Variants in THSD7A observed in about 807,000 individuals in gnomAD.
THSD7A encodes the protein thrombospondin type 1 domain containing 7A, also known as thrombospondin type-1 domain-containing protein 7A.
A neutral mutation model predicts 231.3 loss-of-function variants in THSD7A; 96 were observed. The ratio of observed to expected loss-of-function variants is 0.41; its 90% CI spans 0.35 to 0.49. THSD7A has a LOEUF of 0.49. Ranked by LOEUF, THSD7A falls within the 20% of genes least tolerant of loss-of-function variation. The pLI is 0.05. For synonymous variants in THSD7A, 940 were observed against 743.3 expected (o/e 1.26, Z -4.30); for missense variants, 2,290 against 2,070.2 (o/e 1.11, Z -2.06).
chr7:11,792,118 C>A (rs555716500), intron 1 of THSD7A, among the ~76,000 whole-genome samples: 4 of 151,918 alleles, frequency 2.6e-5, no homozygotes, highest in African/African-American at 4.8e-5. Flanking sequence ...CTCCATTTCA[C>A]GCTCTCCTCT....
intron 1 of THSD7A, among the ~76,000 whole-genome samples, chr7:11,786,195 G>A (rs9632566): frequency 0.016 from 2,350 of 151,222 alleles, 54 homozygotes; most frequent in African/African-American, 0.055. Context: ...GCAGACACTG[G>A]ACCTACTATA....
Position 11,832,094 on chromosome 7 carries a change from C to A in THSD7A, c.-148G>T, listed in dbSNP as rs1785215927. 3 of 501,804 alleles carry A rather than the reference C, an allele frequency of 6.0e-6. No individual in the cohort carries two copies. The highest frequency in any genetic ancestry group is 9.4e-5 in the South Asian group (1 of 10,586). The allele number at this position is 501,804 out of a possible 1,614,324, so 31.1% of individuals were successfully genotyped here. On this transcript the variant is annotated 5_prime_UTR_variant, in exon 1 of 28. It removes the in-frame stop codon of an upstream open reading frame in the 5' UTR. Coordinates refer to ENST00000423059, the MANE Select transcript of THSD7A (RefSeq NM_015204.3). ...CAGATGAGAAGGAGGGAGAGCGCGT[C>A]TAACACCAGGGAACAATAGCGTCCG...
intron 6 of THSD7A, among the ~76,000 whole-genome samples, chr7:11,524,568 A>G (rs1788395404): frequency 6.6e-6 from 1 of 152,262 alleles, no homozygotes; most frequent in East Asian, 1.9e-4. Flanking sequence ...GTAGGTAGAG[A>G]GGTCATTTAG....
intron 4 of THSD7A, among the ~76,000 whole-genome samples, chr7:11,580,369 A>G (rs1432205741): frequency 6.6e-6 from 1 of 152,176 alleles, no homozygotes; most frequent in Non-Finnish European, 1.5e-5. Context: ...GTGCACTCTC[A>G]GGGATTAGAC....
intron 23 of THSD7A, among the ~76,000 whole-genome samples, chr7:11,389,421 CTTTTTTTTTTTTTTTTTTTTTTTTT>C (rs57755425): frequency 1.9e-4 from 7 of 37,588 alleles, no homozygotes; most frequent in African/African-American, 4.8e-4. Context: ...GCAACTCCTG[CTTTTTTTTTTTTTTTTTTTTTTTTT>C]TTTTTTTTTT....
chr7:11,502,345 T>C (rs892865284), intron 6 of THSD7A, among the ~76,000 whole-genome samples: 1 of 152,058 alleles, frequency 6.6e-6, no homozygotes, highest in African/African-American at 2.4e-5. Flanking sequence ...AACAAAAACT[T>C]CAGGCCAATA....
chr7:11,601,142 C>T (rs1780536742), intron 2 of THSD7A, among the ~76,000 whole-genome samples: 1 of 152,146 alleles, frequency 6.6e-6, no homozygotes, highest in African/African-American at 2.4e-5. Context: ...TATTTCACTT[C>T]CTTTAGATAC....
At chr7:11,515,512 A>T (rs1005701947) in intron 6 of THSD7A, among the ~76,000 whole-genome samples, 8 of 152,146 alleles carry the variant, frequency 5.3e-5, no homozygotes, top group African/African-American at 1.9e-4. Flanking sequence ...ACAATTAATT[A>T]TGATCTATTT....
rs533862908 is a variant in THSD7A at position 11,548,806 on chromosome 7, A to C, written c.1454-5689T>G. Among the ~76,000 whole-genome samples, 11 of 151,954 alleles carry C rather than the reference A, an allele frequency of 7.2e-5. No individual in the cohort carries two copies. The South Asian group carries it at 2.1e-3, about 29-fold the overall frequency. ...AAGTCTTTTGACTCAGCATCACTTCATGTTAAAAACCATCAACAAACTATG... is the reference window on the plus strand; with the variant it reads ...AAGTCTTTTGACTCAGCATCACTTCCTGTTAAAAACCATCAACAAACTATG... On this transcript the variant is annotated intron_variant, in intron 4 of 27. Coordinates refer to ENST00000423059, the MANE Select transcript of THSD7A (RefSeq NM_015204.3).
chr7:11,777,762 G>A (rs926018065), intron 1 of THSD7A, among the ~76,000 whole-genome samples: 1 of 152,074 alleles, frequency 6.6e-6, no homozygotes, highest in Non-Finnish European at 1.5e-5. Flanking sequence ...TGAAATAAAT[G>A]CTTTGGCTCA....
chr7:11,462,226 T>C (rs1424994316), intron 9 of THSD7A, 83 bp from the exon 10 acceptor site: 2 of 1,461,892 alleles, frequency 1.4e-6, no homozygotes, highest in African/African-American at 1.4e-5. Flanking sequence ...AGAAATTACA[T>C]TGCCTCCAGC....
chr7:11,719,815 T>A (rs976927992), intron 1 of THSD7A, among the ~76,000 whole-genome samples: 13 of 151,806 alleles, frequency 8.6e-5, no homozygotes, highest in African/African-American at 2.9e-4. Context: ...AGAGGCCATA[T>A]CTGTTAAGTC....
At chr7:11,615,369 C>T (rs1326787976) in intron 2 of THSD7A, among the ~76,000 whole-genome samples, 6 of 152,148 alleles carry the variant, frequency 3.9e-5, no homozygotes, top group Admixed American at 6.5e-5. Context: ...GCTGTCTCCT[C>T]GTGGAGCTGG....
chr7:11,468,477 T>C (rs1033238207), intron 9 of THSD7A, among the ~76,000 whole-genome samples: 4 of 152,122 alleles, frequency 2.6e-5, no homozygotes, highest in Non-Finnish European at 5.9e-5. Flanking sequence ...TTAACATGTT[T>C]ATAAAAGTTA....
chr7:11,426,167 A>ATT (rs1446746138), intron 15 of THSD7A, among the ~76,000 whole-genome samples: 1 of 152,226 alleles, frequency 6.6e-6, no homozygotes, highest in Non-Finnish European at 1.5e-5. Flanking sequence ...ATAGAACTAA[A>ATT]TAGCACAGGA....
intron 5 of THSD7A, among the ~76,000 whole-genome samples, chr7:11,541,931 G>A (rs559532727): frequency 4.3e-4 from 47 of 109,180 alleles, no homozygotes; most frequent in Admixed American, 3.7e-3. Context: ...GCGTAGAGGA[G>A]TAGGGTGGGA....
chr7:11,657,516 A>G (rs947983835), intron 1 of THSD7A, among the ~76,000 whole-genome samples: 1 of 151,766 alleles, frequency 6.6e-6, no homozygotes, highest in Non-Finnish European at 1.5e-5. Flanking sequence ...AACTATAGGT[A>G]TATCCTGCTC....
At chr7:11,724,516 G>T (rs994372435) in intron 1 of THSD7A, among the ~76,000 whole-genome samples, 5 of 151,670 alleles carry the variant, frequency 3.3e-5, no homozygotes, top group Non-Finnish European at 5.9e-5. Context: ...TTAATGAAAA[G>T]AAAATAATAT....
intron 1 of THSD7A, among the ~76,000 whole-genome samples, chr7:11,824,381 G>A (rs1311733264): frequency 1.3e-5 from 2 of 151,936 alleles, no homozygotes; most frequent in African/African-American, 4.8e-5. Context: ...CCTCCTAAAA[G>A]GACCCAAACT....
Sources: gnomAD v4.1 joint callset for allele counts (sites outside exome capture counted in the v4.1 genomes callset) on GRCh38, gnomAD v4.1.1 for gene constraint, MANE v1.5 for transcripts, NCBI Gene and HGNC (gene_info 2026-07-23, HGNC 2026-07-21) for gene names.